GTF2IRD1: variants seen among roughly 807,000 people sequenced by gnomAD.
GTF2IRD1 encodes general transcription factor II-I repeat domain-containing protein 1.
Under a neutral mutation model 113.2 loss-of-function variants are expected in GTF2IRD1, and 26 were observed. That is an observed-to-expected ratio of 0.23 (90% CI 0.17 to 0.32). The LOEUF (loss-of-function observed/expected upper bound fraction) is 0.32. GTF2IRD1 is among the 10% of genes least tolerant of loss of function. The pLI, the probability that GTF2IRD1 is intolerant of heterozygous loss-of-function variation, is 1.00. For synonymous variants in GTF2IRD1, 484 were observed against 529.1 expected, an observed-to-expected ratio of 0.91 and a Z score of 1.17; for missense variants, 864 against 1,280.8, an observed-to-expected ratio of 0.67 and a Z score of 4.97.
intron 1 of GTF2IRD1, among the ~76,000 whole-genome samples, chr7:74,461,093 G>A (rs1304003782): frequency 6.6e-6 from 1 of 152,214 alleles, no homozygotes; most frequent in Non-Finnish European, 1.5e-5. Flanking sequence ...GGGTCCCAGT[G>A]TGGTGCTGTA....
rs781861170 is a variant in GTF2IRD1, at chr7:74,601,206, G to A, written c.2766+26G>A. 6.3e-5 allele frequency: 98 copies of A among 1,558,036 alleles called. No homozygotes were observed. In the Admixed American group the frequency reaches 1.2e-3, roughly 19 times the overall value. ...GTAAAGTTGCACCGATTTGGACTCC[G>A]GCACTCATCTCTGTGGCCCTCACCC... On this transcript the variant is annotated intron_variant, in intron 26 of 26. Coordinates refer to ENST00000424337, the MANE Select transcript of GTF2IRD1 (RefSeq NM_005685.4).
intron 1 of GTF2IRD1, among the ~76,000 whole-genome samples, chr7:74,466,217 G>A (rs187479582): frequency 1.3e-5 from 2 of 152,322 alleles, no homozygotes; most frequent in African/African-American, 4.8e-5. Context: ...TGGGGCGGGG[G>A]CTACCTGTGG....
intron 17 of GTF2IRD1, among the ~76,000 whole-genome samples, chr7:74,551,501 A>C (rs1189802699): frequency 2.0e-5 from 3 of 152,254 alleles, no homozygotes; most frequent in African/African-American, 2.4e-5. Flanking sequence ...GACAAAATCA[A>C]AATGTCATGT....
At position 74,512,819 on chromosome 7, in the gene GTF2IRD1, C is replaced by T. The variant is rs1260146886; in HGVS notation, c.124-11C>T. The T allele has an allele frequency of 1.2e-6, 2 of 1,613,146 alleles. No homozygotes were observed. Among genetic ancestry groups the T allele is most frequent in the African/African-American group, 2.7e-5 (2 of 74,912 alleles). Reference sequence around the variant, plus strand: ...GAGCCCTTCCGCTCACACAGCCTGCCCTTCCCACAGTGCTCAGCGCTGTCC... The same window carrying T: ...GAGCCCTTCCGCTCACACAGCCTGCTCTTCCCACAGTGCTCAGCGCTGTCC... On this transcript the variant is annotated splice_polypyrimidine_tract_variant and intron_variant, in intron 2 of 26. Coordinates refer to ENST00000424337, the MANE Select transcript of GTF2IRD1 (RefSeq NM_005685.4). This position sits in a 1 kb window ranked among gnomAD's most constrained non-coding sequence, Gnocchi z 4.4.
Position 74,464,732 on chromosome 7 carries a change from G to A in GTF2IRD1, c.-7+10556G>A, listed in dbSNP as rs569572328. ...CAAAGTGCTGGGATTACAGACATGA[G>A]CACAAGCCACCGCGCCCAGCTGGTT... On this transcript the variant is annotated intron_variant, in intron 1 of 26. Transcript: ENST00000424337. 2.9e-4 allele frequency among the ~76,000 whole-genome samples: 44 copies of A among 152,290 alleles called. No homozygotes were observed. The South Asian group carries it at 6.4e-3, about 22-fold the overall frequency.
intron 19 of GTF2IRD1, among the ~76,000 whole-genome samples, 161 bp from the exon 20 acceptor site, chr7:74,557,478 C>T (rs587714925): frequency 5.6e-4 from 86 of 152,350 alleles, no homozygotes; most frequent in African/African-American, 1.8e-3. Flanking sequence ...AAAGACATCT[C>T]CATCAACATG....
At chr7:74,599,450 T>G (rs1298469904) in intron 25 of GTF2IRD1, among the ~76,000 whole-genome samples, 3 of 152,128 alleles carry the variant, frequency 2.0e-5, no homozygotes, top group African/African-American at 7.2e-5. Flanking sequence ...CTTTTATGCA[T>G]GCGGTGTTTT....
intron 1 of GTF2IRD1, among the ~76,000 whole-genome samples, chr7:74,493,318 C>G: frequency 6.6e-6 from 1 of 151,606 alleles, no homozygotes; most frequent in East Asian, 1.9e-4. Flanking sequence ...CACTATGTTT[C>G]CCAGGCTGGT....
chr7:74,540,873 C>T (rs1250056504), intron 14 of GTF2IRD1, among the ~76,000 whole-genome samples: 1 of 151,942 alleles, frequency 6.6e-6, no homozygotes, highest in Non-Finnish European at 1.5e-5. Context: ...CTCCCGGCTT[C>T]AAGCAGTTCT....
intron 4 of GTF2IRD1, among the ~76,000 whole-genome samples, chr7:74,517,001 T>TTTTTTGTTG (rs1554344715): frequency 1.4e-3 from 125 of 90,240 alleles, no homozygotes; most frequent in African/African-American, 6.1e-3. Flanking sequence ...CTCTCCTGTC[T>TTTTTTGTTG]TTGTTGTTGT....
intron 8 of GTF2IRD1, among the ~76,000 whole-genome samples, chr7:74,526,932 A>T (rs1797635501): frequency 6.6e-6 from 1 of 152,182 alleles, no homozygotes; most frequent in Non-Finnish European, 1.5e-5. Context: ...CCGCTGCATC[A>T]ACAGGAAAAC....
chr7:74,511,886 G>T (rs1433997824), intron 2 of GTF2IRD1, among the ~76,000 whole-genome samples: 1 of 152,166 alleles, frequency 6.6e-6, no homozygotes, highest in African/African-American at 2.4e-5. Flanking sequence ...CTACATTAAG[G>T]CCTCTGGGCT....
intron 1 of GTF2IRD1, among the ~76,000 whole-genome samples, chr7:74,463,729 T>A: frequency 7.0e-6 from 1 of 142,630 alleles, no homozygotes; most frequent in African/African-American, 2.5e-5. Context: ...TTGTTTTTTG[T>A]TTTTTTTTTT....
At chr7:74,602,235 C>G (rs1554374365) in intron 26 of GTF2IRD1, 130 bp from the exon 27 acceptor site, 6 of 1,102,158 alleles carry the variant, frequency 5.4e-6, no homozygotes, top group Middle Eastern at 2.7e-4. Flanking sequence ...GAGTGAAACT[C>G]CATCTCAAAA....
intron 17 of GTF2IRD1, among the ~76,000 whole-genome samples, chr7:74,551,555 G>A (rs1258628025): frequency 1.3e-5 from 2 of 152,114 alleles, no homozygotes; most frequent in African/African-American, 4.8e-5. Flanking sequence ...GCAGAGTGAG[G>A]GGGAGAGAGG....
rs901409140 is a variant in GTF2IRD1 at position 74,571,884 on chromosome 7, C to T, written c.2320+12229C>T. ...TCAAAAAAAAAAAATTACATGCCAC[C>T]GAGGAAGATCATTCCACTTACACTC... On this transcript the variant is annotated intron_variant, in intron 22 of 26. Coordinates refer to ENST00000424337, the MANE Select transcript of GTF2IRD1 (RefSeq NM_005685.4). 3.9e-5 allele frequency among the ~76,000 whole-genome samples: 6 copies of T among 152,068 alleles called. No individual in the cohort carries two copies. The East Asian group carries it at 5.8e-4, about 15-fold the overall frequency.
chr7:74,556,097 C>A (rs112303920), intron 19 of GTF2IRD1, among the ~76,000 whole-genome samples: 1 of 151,826 alleles, frequency 6.6e-6, no homozygotes, highest in African/African-American at 2.4e-5. Flanking sequence ...CAAAAAAATA[C>A]AAGAATTAGT....
At chr7:74,480,816 C>CT (rs1794698946) in intron 1 of GTF2IRD1, among the ~76,000 whole-genome samples, 1 of 152,192 alleles carries the variant, frequency 6.6e-6, no homozygotes. Flanking sequence ...TGGGGGCTCT[C>CT]TTTGAGTGCT....
chr7:74,496,998 CA>C (rs1216982808), intron 1 of GTF2IRD1, among the ~76,000 whole-genome samples: 2 of 151,724 alleles, frequency 1.3e-5, no homozygotes, highest in African/African-American at 2.4e-5. Context: ...CCCATCTCTA[CA>C]AAAAAATTTA....
Sources: allele counts gnomAD v4.1 joint callset (sites outside exome capture counted in the v4.1 genomes callset), GRCh38; gene constraint gnomAD v4.1.1; non-coding constraint Gnocchi (gnomAD v3.1); transcripts MANE v1.5; gene names NCBI Gene and HGNC (gene_info 2026-07-23, HGNC 2026-07-21).